OLFM2: variants seen among roughly 807,000 people sequenced by gnomAD.
OLFM2 encodes the protein noelin-2.
Under a neutral mutation model 43.9 loss-of-function variants are expected in OLFM2, and 20 were observed. The observed-to-expected ratio is 0.46, with a 90% CI of 0.32 to 0.66. OLFM2 has a LOEUF of 0.66. Among genes scored for constraint, OLFM2 ranks in the 30% least tolerant of loss-of-function variants. OLFM2 has a pLI of 0.04. For synonymous variants in OLFM2, 268 were observed against 278.6 expected (o/e 0.96, Z 0.38); for missense variants, 416 against 643.6 (o/e 0.65, Z 3.83).
rs973601309 is a variant in OLFM2, at chr19:9,936,426, G to A, written c.-60C>T. ...CGCCCTAGCGGCGCCTCGGCGCGGGGACCGCCACCAGGCGCGACCCCGCCC... is the reference window on the plus strand; with the variant it reads ...CGCCCTAGCGGCGCCTCGGCGCGGGAACCGCCACCAGGCGCGACCCCGCCC... On this transcript the variant is annotated 5_prime_UTR_variant, in exon 1 of 6. Coordinates refer to ENST00000264833, the MANE Select transcript of OLFM2 (RefSeq NM_058164.4). 8.2e-5 allele frequency: 94 copies of A among 1,147,900 alleles called. No individual in the cohort carries two copies. Among genetic ancestry groups the A allele is most frequent in the Non-Finnish European group, 9.0e-5 (84 of 935,398 alleles). The allele number at this position is 1,147,900 out of a possible 1,614,324, so 71.1% of individuals were successfully genotyped here.
Position 9,854,472 on chromosome 19 carries a change from G to A in OLFM2, c.1079C>T (p.Ser360Phe). Residue 360 changes from serine to phenylalanine, a missense_variant, in exon 6 of 6, where the codon TCC becomes TTC. Ser to Phe is a radical substitution (Grantham distance 155). Transcript: ENST00000264833. The surrounding 1 kb of genome is among the most constrained non-coding windows in gnomAD (Gnocchi z 9.5). ...GCGCTTGGGGTAGCCGGTGTCCCAG[G>A]ACCGCATGACCTCGAGGGTGTGCGG... ...LDPHTLEVMR[S>F]WDTGYPKRSA... 1 of 1,614,074 alleles carries A rather than the reference G, an allele frequency of 6.2e-7. No homozygotes were observed. Among genetic ancestry groups the A allele is most frequent in the South Asian group, 1.1e-5 (1 of 91,090 alleles).
rs1049570807 is a variant in OLFM2, at chr19:9,857,654, C to T, written c.360+61G>A. On this transcript the variant is annotated intron_variant, in intron 3 of 5. Transcript: ENST00000264833. The surrounding 1 kb of genome is among the most constrained non-coding windows in gnomAD (Gnocchi z 5.7). ...CCCAGACATGACTCCATTGTAGGAA[C>T]TAATGGATACCAAATCCCAGTCATT... 6.2e-7 allele frequency: 1 copy of T among 1,603,176 alleles called. No homozygotes were observed. Among genetic ancestry groups the T allele is most frequent in the Non-Finnish European group, 8.5e-7 (1 of 1,170,254 alleles).
At position 9,908,548 on chromosome 19, in the gene OLFM2, G is replaced by A. The variant is rs921885856; in HGVS notation, c.63+27756C>T. Among the ~76,000 whole-genome samples, 4 of 137,290 alleles carry A rather than the reference G, an allele frequency of 2.9e-5. No homozygotes were observed. In the South Asian group the frequency reaches 7.1e-4, roughly 24 times the overall value. The allele number at this position is 137,290 out of a possible 152,430, so 90.1% of individuals were successfully genotyped here. ...GCTGGAAGTGCAGTGATGCAATCTC[G>A]GCTCACTGCGAGCTCCACCTCCTGG... On this transcript the variant is annotated intron_variant, in intron 1 of 5. Coordinates refer to ENST00000264833, the MANE Select transcript of OLFM2 (RefSeq NM_058164.4).
In OLFM2 at chr19:9,857,644, A is replaced by G. The variant is rs922483966; in HGVS notation, c.360+71T>C. ...CTAGATTCTTCCCAGACATGACTCC[A>G]TTGTAGGAACTAATGGATACCAAAT... On this transcript the variant is annotated intron_variant, in intron 3 of 5. Coordinates refer to ENST00000264833, the MANE Select transcript of OLFM2 (RefSeq NM_058164.4). This position sits in a 1 kb window ranked among gnomAD's most constrained non-coding sequence, Gnocchi z 5.7. 6.2e-6 allele frequency: 10 copies of G among 1,606,124 alleles called. No homozygotes were observed. The East Asian group carries it at 1.3e-4, about 21-fold the overall frequency.
At chr19:9,913,771 G>T (rs922754277) in intron 1 of OLFM2, 40 of 734,822 alleles carry the variant, frequency 5.4e-5, no homozygotes, top group Non-Finnish European at 6.4e-5. Flanking sequence ...GGGACGGGGT[G>T]AGGGGGGGCT....
chr19:9,874,728 A>T (rs1201112320), intron 1 of OLFM2, among the ~76,000 whole-genome samples: 1 of 152,054 alleles, frequency 6.6e-6, no homozygotes, highest in Admixed American at 6.6e-5. Context: ...TGATCCACCC[A>T]CCCTGGCCTC....
At chr19:9,911,795 T>TTC (rs1488482898) in intron 1 of OLFM2, among the ~76,000 whole-genome samples, 4 of 152,138 alleles carry the variant, frequency 2.6e-5, no homozygotes, top group African/African-American at 9.7e-5. Context: ...CTCACTTGCT[T>TTC]TCAATGGTGG....
intron 1 of OLFM2, among the ~76,000 whole-genome samples, chr19:9,883,209 C>A (rs201093902): frequency 2.1e-3 from 292 of 137,148 alleles, no homozygotes; most frequent in Admixed American, 2.5e-3. Flanking sequence ...GACTCCATCT[C>A]AAAAAAAAAA....
chr19:9,918,183 T>C (rs1042154919), intron 1 of OLFM2, among the ~76,000 whole-genome samples: 2 of 149,516 alleles, frequency 1.3e-5, no homozygotes, highest in African/African-American at 2.5e-5. Flanking sequence ...CTGGCCACTT[T>C]AGTTCTTTTA....
chr19:9,913,625 C>T, intron 1 of OLFM2: 1 of 1,290,920 alleles, frequency 7.7e-7, no homozygotes, highest in South Asian at 1.8e-5. Context: ...CATCGCGCCT[C>T]CGCCTCATGC....
At chr19:9,927,836 C>T (rs973599217) in intron 1 of OLFM2, among the ~76,000 whole-genome samples, 78 of 151,920 alleles carry the variant, frequency 5.1e-4, no homozygotes, top group African/African-American at 1.9e-3. Flanking sequence ...GAGGCTGAGG[C>T]GGATCACTTG....
In OLFM2 at chr19:9,900,361, G is replaced by C. The variant is rs112285644; in HGVS notation, c.63+35943C>G. On this transcript the variant is annotated intron_variant, in intron 1 of 5. Transcript: ENST00000264833. ...GGAGCTGCATCAGTGGATGATGGAGGCACACCACGGTGGACACAAGCACAC... is the reference window on the plus strand; with the variant it reads ...GGAGCTGCATCAGTGGATGATGGAGCCACACCACGGTGGACACAAGCACAC... Among the ~76,000 whole-genome samples the C allele has an allele frequency of 9.1e-3, 1,379 of 152,230 alleles. 23 individuals are homozygous for C. The highest frequency in any genetic ancestry group is 0.032 in the African/African-American group (1,323 of 41,534).
In OLFM2 at chr19:9,860,734, C is replaced by T. The variant is rs1169191886; in HGVS notation, c.124G>A (p.Gly42Arg). ...QLYTSAQAPD[G>R]KCICTAVIPA... ...ATCACGGCCGTGCAGATGCATTTCC[C>T]GTCAGGGGCCTGGGCTGAGGTGTAC... The change falls in exon 2 of 6, where the codon GGG becomes AGG. Residue 42 changes from glycine (G) to arginine (R), a missense_variant. Transcript: ENST00000264833. 23 of 1,609,022 alleles carry T rather than the reference C, an allele frequency of 1.4e-5. No individual in the cohort carries two copies. Among genetic ancestry groups the T allele is most frequent in the Non-Finnish European group, 2.0e-5 (23 of 1,178,022 alleles).
intron 1 of OLFM2, among the ~76,000 whole-genome samples, chr19:9,929,266 G>C (rs1372141460): frequency 1.3e-5 from 2 of 152,162 alleles, no homozygotes; most frequent in Non-Finnish European, 2.9e-5. Context: ...TACAACGCTT[G>C]AGATACAGAA....
In OLFM2 at chr19:9,924,048, C is replaced by T. The variant is rs570704407; in HGVS notation, c.63+12256G>A. Among the ~76,000 whole-genome samples the T allele has an allele frequency of 6.4e-5, 9 of 141,314 alleles. No homozygotes were observed. In the South Asian group the frequency reaches 1.8e-3, roughly 28 times the overall value. The allele number at this position is 141,314 out of a possible 152,430, so 92.7% of individuals were successfully genotyped here. A position where few individuals can be genotyped will look rare whatever the true frequency, so the allele number is the denominator to read the frequency against. ...CCACGAGGTGGAGGTTGCAGTGAGC[C>T]GAGGTCGTACCACTGCATTTCAGCC... On this transcript the variant is annotated intron_variant, in intron 1 of 5. Transcript: ENST00000264833.
Position 9,924,406 on chromosome 19 carries a change from CAAA to C in OLFM2, c.63+11895_63+11897del, listed in dbSNP as rs1166738814. ...GGGCGACAGAGCGAGACTCTGTCTC[CAAA>C]AAAAAAAAAAAAAAAAAAAAAAAAT... On this transcript the variant is annotated intron_variant, in intron 1 of 5. Transcript: ENST00000264833. 2.5e-3 allele frequency among the ~76,000 whole-genome samples: 65 copies of C among 25,750 alleles called. 1 individual carries two copies. Among genetic ancestry groups the C allele is most frequent in the East Asian group, 0.015 (11 of 732 alleles). 16.9% of individuals were successfully genotyped at this position (25,750 alleles called of 152,430 possible).
chr19:9,934,500 G>A (rs1288376668), intron 1 of OLFM2, among the ~76,000 whole-genome samples: 1 of 152,030 alleles, frequency 6.6e-6, no homozygotes, highest in Non-Finnish European at 1.5e-5. Flanking sequence ...AGAAAATCTA[G>A]TGCCCCCCTA....
chr19:9,902,520 T>C (rs1276332512), intron 1 of OLFM2, among the ~76,000 whole-genome samples: 3 of 151,838 alleles, frequency 2.0e-5, no homozygotes, highest in Non-Finnish European at 4.4e-5. Context: ...GTAGCTAGGA[T>C]TACAGGAACC....
At chr19:9,902,598 G>T (rs2046750488) in intron 1 of OLFM2, among the ~76,000 whole-genome samples, 1 of 152,028 alleles carries the variant, frequency 6.6e-6, no homozygotes, top group Admixed American at 6.6e-5. Context: ...ATGTTGGCCA[G>T]GCTGGTCTTG....
Sources: gnomAD v4.1 joint callset for allele counts (sites outside exome capture counted in the v4.1 genomes callset) on GRCh38, gnomAD v4.1.1 for gene constraint, Gnocchi (gnomAD v3.1) non-coding constraint, MANE v1.5 for transcripts, NCBI Gene and HGNC (gene_info 2026-07-23, HGNC 2026-07-21) for gene names.